CNTLN: variants seen among roughly 807,000 people sequenced by gnomAD.
The protein encoded by CNTLN is centlein.
A neutral mutation model predicts 180.0 loss-of-function variants in CNTLN; 212 were observed. The ratio of observed to expected loss-of-function variants is 1.18; its 90% confidence interval spans 1.05 to 1.32. The LOEUF (loss-of-function observed/expected upper bound fraction) is 1.32. Among genes scored for constraint, CNTLN ranks in the 40% most tolerant of loss-of-function variants. The pLI is 0.00. For missense variants in CNTLN, 2,095 were observed against 1,610.9 expected, an observed-to-expected ratio of 1.30 and a Z score of -5.14; for synonymous variants, 722 against 563.1, an observed-to-expected ratio of 1.28 and a Z score of -3.99.
At chr9:17,210,533 T>C (rs1823226268) in intron 2 of CNTLN, among the ~76,000 whole-genome samples, 1 of 152,192 alleles carries the variant, frequency 6.6e-6, no homozygotes, top group African/African-American at 2.4e-5. Flanking sequence ...TACGTGTGCA[T>C]GTGTCTTTAT....
At chr9:17,483,495 C>T (rs139096036) in intron 23 of CNTLN, among the ~76,000 whole-genome samples, 9 of 152,294 alleles carry the variant, frequency 5.9e-5, no homozygotes, top group African/African-American at 2.2e-4. Context: ...AATATCTGAG[C>T]ACCATTATTT....
intron 10 of CNTLN, among the ~76,000 whole-genome samples, chr9:17,339,478 A>G (rs1821306038): frequency 6.6e-6 from 1 of 152,208 alleles, no homozygotes; most frequent in East Asian, 1.9e-4. Context: ...TTTCTCTTCC[A>G]TATTTTGCAG....
intron 25 of CNTLN, among the ~76,000 whole-genome samples, chr9:17,488,465 A>G (rs915844008): frequency 2.0e-5 from 3 of 152,132 alleles, no homozygotes; most frequent in Non-Finnish European, 4.4e-5. Context: ...TTTTTAATGA[A>G]TTTTTAAAAT....
rs576768901 is a variant in CNTLN at position 17,376,596 on chromosome 9, C to T, written c.1987+9879C>T. ...CCTCCCAAGTAGCTGGGACTGCAGG[C>T]GCCCACCACCTTGCCCGGCTAATTT... On this transcript the variant is annotated intron_variant, in intron 13 of 25. Coordinates refer to ENST00000380647, the MANE Select transcript of CNTLN (RefSeq NM_017738.4). Among the ~76,000 whole-genome samples, 257 of 152,078 alleles carry T rather than the reference C, an allele frequency of 1.7e-3. 2 individuals carry two copies. Among genetic ancestry groups the T allele is most frequent in the African/African-American group, 6.0e-3 (251 of 41,488 alleles).
chr9:17,302,269 T>C (rs1446273321), intron 7 of CNTLN, among the ~76,000 whole-genome samples: 1 of 151,902 alleles, frequency 6.6e-6, no homozygotes, highest in Non-Finnish European at 1.5e-5. Flanking sequence ...CGATCTCGAC[T>C]CACTGCAACC....
intron 18 of CNTLN, among the ~76,000 whole-genome samples, chr9:17,440,601 A>AAC (rs1268130329): frequency 1.3e-5 from 2 of 151,612 alleles, no homozygotes; most frequent in African/African-American, 4.8e-5. Flanking sequence ...AAAAAAAAAA[A>AAC]AGAACTGAAA....
At chr9:17,213,478 ATG>A (rs1290617472) in intron 2 of CNTLN, among the ~76,000 whole-genome samples, 2 of 152,172 alleles carry the variant, frequency 1.3e-5, no homozygotes, top group African/African-American at 2.4e-5. Context: ...ACTTCCAACT[ATG>A]TGGTCAATTT....
At chr9:17,486,692 C>T (rs537251432) in intron 24 of CNTLN, among the ~76,000 whole-genome samples, 1 of 152,142 alleles carries the variant, frequency 6.6e-6, no homozygotes, top group South Asian at 2.1e-4. Context: ...TCTGATTTTT[C>T]ACTTTAATTG....
intron 13 of CNTLN, among the ~76,000 whole-genome samples, chr9:17,380,734 G>T (rs1421970996): frequency 6.6e-6 from 1 of 152,162 alleles, no homozygotes; most frequent in African/African-American, 2.4e-5. Flanking sequence ...AAAGTTGAGG[G>T]CTTGTGTATC....
intron 18 of CNTLN, among the ~76,000 whole-genome samples, chr9:17,441,683 C>T (rs1830118674): frequency 6.6e-6 from 1 of 150,734 alleles, no homozygotes; most frequent in Non-Finnish European, 1.5e-5. Flanking sequence ...AACAAGGTAG[C>T]AATAGGAAAT....
chr9:17,189,939 C>T (rs980614763), intron 2 of CNTLN, among the ~76,000 whole-genome samples: 68 of 152,030 alleles, frequency 4.5e-4, no homozygotes, highest in Middle Eastern at 3.4e-3. Context: ...GACTCCTTTC[C>T]TTTGTCTGGA....
At chr9:17,430,128 C>G (rs1277623554) in intron 18 of CNTLN, among the ~76,000 whole-genome samples, 1 of 151,884 alleles carries the variant, frequency 6.6e-6, no homozygotes, top group Non-Finnish European at 1.5e-5. Flanking sequence ...TATTTCTAGT[C>G]TGATTCTATA....
intron 6 of CNTLN, among the ~76,000 whole-genome samples, chr9:17,290,192 G>A: frequency 1.3e-5 from 2 of 152,036 alleles, no homozygotes; most frequent in Non-Finnish European, 2.9e-5. Context: ...TTTTTGGTGT[G>A]GATGTCCTTT....
At chr9:17,218,382 G>A (rs1563892995) in intron 2 of CNTLN, among the ~76,000 whole-genome samples, 3 of 151,896 alleles carry the variant, frequency 2.0e-5, no homozygotes, top group Non-Finnish European at 4.4e-5. Context: ...AGTAAAATGT[G>A]TTTGTACAAT....
chr9:17,219,852 G>A lies in CNTLN; in HGVS notation c.450-6351G>A, dbSNP rs927372802. Among the ~76,000 whole-genome samples, 12 of 151,950 alleles carry A rather than the reference G, an allele frequency of 7.9e-5. No individual in the cohort carries two copies. In the South Asian group the frequency reaches 1.7e-3, roughly 21 times the overall value. ...TTCTGGTGAGGGCTCTTTGTAAATG[G>A]CTGCCTTTTTGTTGTATCCTCATAT... On this transcript the variant is annotated intron_variant, in intron 2 of 25. Coordinates refer to ENST00000380647, the MANE Select transcript of CNTLN (RefSeq NM_017738.4).
At chr9:17,387,987 T>A (rs1014542577) in intron 13 of CNTLN, among the ~76,000 whole-genome samples, 175 bp from the exon 14 acceptor site, 4 of 149,736 alleles carry the variant, frequency 2.7e-5, no homozygotes, top group African/African-American at 7.3e-5. Context: ...GATACATAAT[T>A]ATGTTGCTAA....
intron 14 of CNTLN, among the ~76,000 whole-genome samples, chr9:17,393,421 C>G (rs559356366): frequency 1.3e-5 from 2 of 152,202 alleles, no homozygotes; most frequent in South Asian, 2.1e-4. Context: ...TTGCTTGTCT[C>G]CAGTTTTTTC....
intron 13 of CNTLN, among the ~76,000 whole-genome samples, chr9:17,374,014 A>G (rs562428554): frequency 4.6e-5 from 7 of 152,322 alleles, no homozygotes; most frequent in Middle Eastern, 6.8e-3. Context: ...TGAAACTACT[A>G]AAAGAAAACA....
chr9:17,310,547 C>G (rs1819059280), intron 8 of CNTLN, among the ~76,000 whole-genome samples: 1 of 152,130 alleles, frequency 6.6e-6, no homozygotes, highest in Non-Finnish European at 1.5e-5. Flanking sequence ...GCACATGTTT[C>G]TTGACGTACA....
Sources: gnomAD v4.1 joint callset for allele counts (sites outside exome capture counted in the v4.1 genomes callset) on GRCh38, gnomAD v4.1.1 for gene constraint, MANE v1.5 for transcripts, NCBI Gene and HGNC (gene_info 2026-07-23, HGNC 2026-07-21) for gene names.